PARD3: variants seen among roughly 807,000 people sequenced by gnomAD.
PARD3 encodes the protein par-3 family cell polarity regulator, also known as partitioning defective 3 homolog.
Under a neutral mutation model 155.4 loss-of-function variants are expected in PARD3, and 75 were observed. The observed-to-expected ratio is 0.48, with a 90% confidence interval of 0.40 to 0.58. PARD3 has a LOEUF of 0.58. Ranked by LOEUF, PARD3 falls within the 20% of genes least tolerant of loss-of-function variation. The probability of loss-of-function intolerance (pLI) is 0.00; values close to 1 mark genes in which losing one functional copy is unlikely to be tolerated. For missense variants in PARD3, 1,642 were observed against 1,721.7 expected (o/e 0.95, Z 0.82); for synonymous variants, 576 against 610.5 (o/e 0.94, Z 0.83).
At chr10:34,219,060 A>G (rs1357775595) in intron 22 of PARD3, among the ~76,000 whole-genome samples, 2 of 152,244 alleles carry the variant, frequency 1.3e-5, no homozygotes, top group Non-Finnish European at 2.9e-5. Flanking sequence ...TTCACGCTAA[A>G]AAGTCAAAAT....
intron 22 of PARD3, among the ~76,000 whole-genome samples, chr10:34,232,908 C>G (rs1019563224): frequency 4.6e-5 from 7 of 151,806 alleles, no homozygotes; most frequent in Non-Finnish European, 1.0e-4. Flanking sequence ...GCTATGTTGC[C>G]AAGGCTGGTC....
chr10:34,814,560 T>C (rs1844652802), intron 1 of PARD3, among the ~76,000 whole-genome samples: 1 of 151,722 alleles, frequency 6.6e-6, no homozygotes, highest in African/African-American at 2.4e-5. Flanking sequence ...GTCTGCAGAC[T>C]CCGGGGAGGC....
chr10:34,356,921 G>GT (rs2134465283), intron 14 of PARD3, among the ~76,000 whole-genome samples: 1 of 152,254 alleles, frequency 6.6e-6, no homozygotes, highest in East Asian at 1.9e-4. Context: ...CTAAGAAATA[G>GT]TAATAACCAG....
intron 2 of PARD3, among the ~76,000 whole-genome samples, chr10:34,686,674 G>A (rs901270746): frequency 2.0e-5 from 3 of 151,998 alleles, no homozygotes; most frequent in African/African-American, 7.2e-5. Context: ...CTGGGGGAAG[G>A]AGGTTGCAGT....
At chr10:34,630,029 CGT>C (rs1201718053) in intron 2 of PARD3, among the ~76,000 whole-genome samples, 3 of 152,112 alleles carry the variant, frequency 2.0e-5, no homozygotes, top group Non-Finnish European at 4.4e-5. Flanking sequence ...CTGATGAAAA[CGT>C]GTAGCCCCTA....
chr10:34,792,676 C>A (rs1258285392), intron 1 of PARD3, among the ~76,000 whole-genome samples: 2 of 152,154 alleles, frequency 1.3e-5, no homozygotes, highest in Non-Finnish European at 2.9e-5. Context: ...TGCACCTGCA[C>A]CCAGGAGGTC....
intron 2 of PARD3, among the ~76,000 whole-genome samples, chr10:34,664,612 G>T (rs2093405370): frequency 6.6e-6 from 1 of 151,490 alleles, no homozygotes; most frequent in Non-Finnish European, 1.5e-5. Context: ...CAGCCTCCTG[G>T]GTAGCTGGGA....
Position 34,317,189 on chromosome 10 carries a change from C to T in PARD3, c.2983G>A (p.Glu995Lys). ...TDRKKDKTGK[E>K]KKKDRDKEKD... is the part of the protein sequence containing the mutation. ...TCCTTATCTCTATCTTTCTTCTTTT[C>T]TTTTCCAGTTTTATCCTTTTTTCTA... The change falls in exon 20 of 25, where the codon GAA becomes AAA. Residue 995 changes from glutamate to lysine, a missense_variant. By Grantham distance (56) the Glu-to-Lys change is moderately conservative. Coordinates refer to ENST00000374788, the MANE Select transcript of PARD3 (RefSeq NM_001184785.2). The T allele has an allele frequency of 1.2e-6, 2 of 1,612,206 alleles. No individual in the cohort carries two copies. Among genetic ancestry groups the T allele is most frequent in the Non-Finnish European group, 1.7e-6 (2 of 1,179,142 alleles).
At position 34,199,570 on chromosome 10, in the gene PARD3, C is replaced by T. The variant is rs1308849199; in HGVS notation, c.3420-67987G>A. On this transcript the variant is annotated intron_variant, in intron 22 of 24. Coordinates refer to ENST00000374788, the MANE Select transcript of PARD3 (RefSeq NM_001184785.2). ...TTGCCCTACAGCCATGGGCGGCACC[C>T]CCAACCCCGGTTACCTTCAGCAAAG... Among the ~76,000 whole-genome samples, 3 of 152,088 alleles carry T rather than the reference C, an allele frequency of 2.0e-5. No homozygotes were observed. The East Asian group carries it at 5.8e-4, about 29-fold the overall frequency.
At chr10:34,133,578 A>G (rs192447994) in intron 22 of PARD3, among the ~76,000 whole-genome samples, 1 of 152,232 alleles carries the variant, frequency 6.6e-6, no homozygotes, top group East Asian at 1.9e-4. Context: ...CTCTTCACAA[A>G]AGCATGTTGC....
intron 2 of PARD3, among the ~76,000 whole-genome samples, chr10:34,625,262 C>T (rs192186143): frequency 2.0e-5 from 3 of 152,336 alleles, no homozygotes; most frequent in East Asian, 3.9e-4. Context: ...CTCATGGAGG[C>T]TCCTGGAACT....
chr10:34,813,978 T>C (rs1440553818), intron 1 of PARD3, among the ~76,000 whole-genome samples: 4 of 152,138 alleles, frequency 2.6e-5, no homozygotes, highest in Non-Finnish European at 4.4e-5. Flanking sequence ...TGACACACAG[T>C]AGAGGAATGC....
intron 5 of PARD3, among the ~76,000 whole-genome samples, chr10:34,406,645 G>C (rs1844508291): frequency 6.6e-6 from 1 of 152,018 alleles, no homozygotes. Flanking sequence ...CTCCAGCCTA[G>C]GCCTCCCAAA....
chr10:34,275,036 C>T (rs1210142684), intron 21 of PARD3, among the ~76,000 whole-genome samples: 1 of 152,106 alleles, frequency 6.6e-6, no homozygotes, highest in East Asian at 1.9e-4. Context: ...AAGAAGTGCT[C>T]AGCAGCATGA....
chr10:34,515,320 C>T (rs1274660230), intron 3 of PARD3, among the ~76,000 whole-genome samples: 1 of 152,312 alleles, frequency 6.6e-6, no homozygotes, highest in Non-Finnish European at 1.5e-5. Flanking sequence ...AAATTAGTTT[C>T]TTGCATATGT....
At chr10:34,171,839 A>G (rs2133122746) in intron 22 of PARD3, among the ~76,000 whole-genome samples, 1 of 151,130 alleles carries the variant, frequency 6.6e-6, no homozygotes, top group Non-Finnish European at 1.5e-5. Flanking sequence ...AATCCCAGCT[A>G]CTCAGAAGGC....
intron 22 of PARD3, among the ~76,000 whole-genome samples, chr10:34,238,083 C>A (rs1247225862): frequency 6.6e-6 from 1 of 152,156 alleles, no homozygotes; most frequent in Non-Finnish European, 1.5e-5. Flanking sequence ...TGTACTCCAC[C>A]TCTAGCCATT....
chr10:34,741,174 A>ATTTTTTTTTTTTTTTTTTTTTTTTTT (rs71033345), intron 1 of PARD3, among the ~76,000 whole-genome samples: 5 of 114,282 alleles, frequency 4.4e-5, no homozygotes, highest in Non-Finnish European at 5.2e-5. Context: ...CGTAAACCAA[A>ATTTTTTTTTTTTTTTTTTTTTTTTTT]TTTTTTTTTT....
At chr10:34,262,450 G>C (rs1181353898) in intron 22 of PARD3, among the ~76,000 whole-genome samples, 1 of 152,024 alleles carries the variant, frequency 6.6e-6, no homozygotes, top group Admixed American at 6.6e-5. Context: ...GTGTTTTTAA[G>C]AGACAGCATC....
Sources: allele counts gnomAD v4.1 joint callset (sites outside exome capture counted in the v4.1 genomes callset), GRCh38; gene constraint gnomAD v4.1.1; transcripts MANE v1.5; gene names NCBI Gene and HGNC (gene_info 2026-07-23, HGNC 2026-07-21).